The following ZNF614 variants were observed in gnomAD, a reference collection of about 807,000 sequenced individuals.
ZNF614 encodes zinc finger protein 614.
A neutral mutation model predicts 12.8 loss-of-function variants in ZNF614; 11 were observed. The observed-to-expected ratio is 0.86, with a 90% CI of 0.54 to 1.43. ZNF614 has a LOEUF of 1.43. Ranked by LOEUF, ZNF614 falls within the 40% of genes most tolerant of loss-of-function variation. The pLI is 0.00. For synonymous variants in ZNF614, 237 were observed against 237.5 expected (o/e 1.00, Z 0.02); for missense variants, 664 against 708.8 (o/e 0.94, Z 0.72).
chr19:52,017,358 T>C lies in ZNF614; in HGVS notation c.240A>G (p.Gly80=), dbSNP rs1390743520. The change falls in exon 5 of 5, where the codon GGA becomes GGG. Residue 80 remains glycine, a splice_region_variant and synonymous_variant. Transcript: ENST00000270649. ...GCAGATGACTGTCAACTTTCCCGAT[T>C]CCTAAGAAAGAACAGAGTAACAAAT... ...DAKIQNKNCP[G]IGKVDSHLQE... The C allele has an allele frequency of 6.3e-7, 1 of 1,586,992 alleles. No homozygotes were observed. Among genetic ancestry groups the C allele is most frequent in the Admixed American group, 1.8e-5 (1 of 56,058 alleles).
rs568135804 is a variant in ZNF614, at chr19:52,022,487, T to C, written c.15+3244A>G. 7.9e-5 allele frequency among the ~76,000 whole-genome samples: 12 copies of C among 152,266 alleles called. No homozygotes were observed. In the East Asian group the frequency reaches 2.3e-3, roughly 29 times the overall value. On this transcript the variant is annotated intron_variant, in intron 2 of 4. Coordinates refer to ENST00000270649, the MANE Select transcript of ZNF614 (RefSeq NM_025040.4). ...CGCGGCTGCTGTGCGACCCTCCAAG[T>C]GTGAAGTGACAGCCTTGTGTGTGAT...
At position 52,016,674 on chromosome 19, in the gene ZNF614, A is replaced by G. The variant is rs1451710882; in HGVS notation, c.924T>C (p.Thr308=). 1.2e-6 allele frequency: 2 copies of G among 1,614,024 alleles called. No homozygotes were observed. Among genetic ancestry groups the G allele is most frequent in the African/African-American group, 2.7e-5 (2 of 74,918 alleles). The change falls in exon 5 of 5, where the codon ACT becomes ACC. Residue 308 remains threonine, a synonymous_variant. Transcript: ENST00000270649. ...MKRYLIAHQR[T]HSGEKPYVCK... ...ACACATAAGGTTTCTCTCCACTATG[A>G]GTTCGCTGATGAGCAATTAGATAGC... is the stretch of plus-strand genomic sequence containing the variant.
In ZNF614 at chr19:52,016,080, T is replaced by C; in HGVS notation, c.1518A>G (p.Thr506=). Residue 506 remains threonine (T), a synonymous_variant, in exon 5 of 5, where the codon ACA becomes ACG. Transcript: ENST00000270649. The part of the protein sequence containing the change: ...YGLITHQRIH[T]GEKPYECNEC... ...CATTGCACTCATAAGGTTTCTCTCC[T>C]GTGTGAATTCTCTGATGGGTAATGA... The C allele has an allele frequency of 6.8e-6, 11 of 1,614,138 alleles. No homozygotes were observed. The highest frequency in any genetic ancestry group is 3.3e-4 in the Middle Eastern group (2 of 6,062).
At position 52,018,388 on chromosome 19, in the gene ZNF614, T is replaced by C; in HGVS notation, c.122A>G (p.Tyr41Cys). The change falls in exon 3 of 5, where the codon TAT becomes TGT. Residue 41 changes from tyrosine (Y) to cysteine (C), a missense_variant. Coordinates refer to ENST00000270649, the MANE Select transcript of ZNF614 (RefSeq NM_025040.4). ...NLYRDVMVENYNHLVSLGYQT... is the reference protein window; with the variant it reads ...NLYRDVMVENCNHLVSLGYQT... ...CTTACCCAGTGATACTAGGTGGTTA[T>C]AGTTCTCCACCATCACATCCCGGTA... The C allele has an allele frequency of 2.5e-6, 4 of 1,614,152 alleles. No homozygotes were observed. Among genetic ancestry groups the C allele is most frequent in the East Asian group, 2.2e-5 (1 of 44,876 alleles).
Position 52,025,823 on chromosome 19 carries a change from G to C in ZNF614, c.-78C>G, listed in dbSNP as rs2086967973. The C allele has an allele frequency of 6.5e-7, 1 of 1,530,724 alleles. No individual in the cohort carries two copies. The highest frequency in any genetic ancestry group is 2.3e-5 in the East Asian group (1 of 43,948). 94.8% of individuals were successfully genotyped at this position (1,530,724 alleles called of 1,614,324 possible). Reference sequence around the variant, plus strand: ...CTTCTGCATTTGCCATGAAGTTTTTGAAGTTTTCCTAGTCAGAAATATTAG... The same window carrying C: ...CTTCTGCATTTGCCATGAAGTTTTTCAAGTTTTCCTAGTCAGAAATATTAG... On this transcript the variant is annotated 5_prime_UTR_variant, in exon 2 of 5. Coordinates refer to ENST00000270649, the MANE Select transcript of ZNF614 (RefSeq NM_025040.4).
At position 52,017,372 on chromosome 19, in the gene ZNF614, A is replaced by G. The variant is rs762201821; in HGVS notation, c.239-13T>C. ...ACTTTCCCGATTCCTAAGAAAGAAC[A>G]GAGTAACAAATTCTTCCATGAGAAT... On this transcript the variant is annotated splice_polypyrimidine_tract_variant and intron_variant, in intron 4 of 4. Coordinates refer to ENST00000270649, the MANE Select transcript of ZNF614 (RefSeq NM_025040.4). 55 of 1,571,084 alleles carry G rather than the reference A, an allele frequency of 3.5e-5. No individual in the cohort carries two copies. Among genetic ancestry groups the G allele is most frequent in the Non-Finnish European group, 4.2e-5 (49 of 1,163,436 alleles).
chr19:52,027,089 T>C (rs980534463), intron 1 of ZNF614, among the ~76,000 whole-genome samples: 1 of 152,214 alleles, frequency 6.6e-6, no homozygotes, highest in African/African-American at 2.4e-5. Context: ...TCTCTATACT[T>C]TGTCTCTTAT....
chr19:52,015,937 A>C lies in ZNF614; in HGVS notation c.1661T>G (p.Leu554Arg). 1 of 1,614,194 alleles carries C rather than the reference A, an allele frequency of 6.2e-7. No individual in the cohort carries two copies. Among genetic ancestry groups the C allele is most frequent in the South Asian group, 1.1e-5 (1 of 91,082 alleles). The change falls in exon 5 of 5, where the codon CTT becomes CGT. Residue 554 changes from leucine (L) to arginine (R), a missense_variant. Coordinates refer to ENST00000270649, the MANE Select transcript of ZNF614 (RefSeq NM_025040.4). ...CEKAFSHLSN[L>R]VKHKKMHTRE... The stretch of plus-strand genomic sequence containing the variant: ...TGTGTGCATTTTCTTATGTTTGACA[A>C]GGTTTGATAAGTGGGAGAAGGCTTT...
chr19:52,027,156 G>A (rs1420022581), intron 1 of ZNF614, among the ~76,000 whole-genome samples: 1 of 152,206 alleles, frequency 6.6e-6, no homozygotes, highest in East Asian at 1.9e-4. Context: ...TTGTGGAGGG[G>A]TGGCCCCCTT....
intron 2 of ZNF614, 60 bp downstream of exon 2, chr19:52,025,671 G>T (rs932297874): frequency 3.5e-5 from 56 of 1,588,180 alleles, no homozygotes; most frequent in South Asian, 5.6e-5. Flanking sequence ...ACTTCCTTAA[G>T]TTCAACTGAC....
chr19:52,017,191 T>G lies in ZNF614; in HGVS notation c.407A>C (p.Asn136Thr). The G allele has an allele frequency of 6.2e-7, 1 of 1,614,194 alleles. No homozygotes were observed. Among genetic ancestry groups the G allele is most frequent in the African/African-American group, 1.3e-5 (1 of 75,054 alleles). ...GATTAAACTTAAACTTGATTTCAAA[T>G]TTTTTCTGTACAAGTCAAATGTATC... is the stretch of plus-strand genomic sequence containing the variant. ...NHDTFDLYRK[N>T]LKSSLSLINQ... Residue 136 changes from asparagine to threonine, a missense_variant, in exon 5 of 5, where the codon AAT (asparagine) becomes ACT (threonine). Coordinates refer to ENST00000270649, the MANE Select transcript of ZNF614 (RefSeq NM_025040.4).
rs2086905966 is a variant in ZNF614, at chr19:52,017,357, T to C, written c.241A>G (p.Ile81Val). ...TGCAGATGACTGTCAACTTTCCCGA[T>C]TCCTAAGAAAGAACAGAGTAACAAA... ...AKIQNKNCPG[I>V]GKVDSHLQEH... The change falls in exon 5 of 5, where the codon ATC becomes GTC. Residue 81 changes from isoleucine to valine, a missense_variant and splice_region_variant. Physicochemically the swap from Ile to Val is conservative, Grantham distance 29 (BLOSUM62 3). Coordinates refer to ENST00000270649, the MANE Select transcript of ZNF614 (RefSeq NM_025040.4). 2 of 1,587,216 alleles carry C rather than the reference T, an allele frequency of 1.3e-6. No homozygotes were observed. Among genetic ancestry groups the C allele is most frequent in the Admixed American group, 1.8e-5 (1 of 56,090 alleles).
In ZNF614 at chr19:52,017,201, A is replaced by G; in HGVS notation, c.397T>C (p.Tyr133His). 1 of 1,614,152 alleles carries G rather than the reference A, an allele frequency of 6.2e-7. No homozygotes were observed. The highest frequency in any genetic ancestry group is 8.5e-7 in the Non-Finnish European group (1 of 1,180,030). Residue 133 changes from tyrosine to histidine, a missense_variant, in exon 5 of 5, where the codon TAC becomes CAC. Tyr to His is a moderately conservative substitution (Grantham distance 83, BLOSUM62 2). Coordinates refer to ENST00000270649, the MANE Select transcript of ZNF614 (RefSeq NM_025040.4). The stretch of plus-strand genomic sequence containing the variant: ...AAACTTGATTTCAAATTTTTTCTGT[A>G]CAAGTCAAATGTATCATGATTTTGC... ...IVQNHDTFDL[Y>H]RKNLKSSLSL... is the part of the protein sequence containing the mutation.
chr19:52,020,508 C>G (rs2086926584), intron 2 of ZNF614, among the ~76,000 whole-genome samples: 1 of 152,202 alleles, frequency 6.6e-6, no homozygotes, highest in African/African-American at 2.4e-5. Flanking sequence ...TAACAATATT[C>G]AAGAGTACTT....
chr19:52,016,249 G>A lies in ZNF614; in HGVS notation c.1349C>T (p.Thr450Ile). 1 of 1,614,192 alleles carries A rather than the reference G, an allele frequency of 6.2e-7. No individual in the cohort carries two copies. The highest frequency in any genetic ancestry group is 8.5e-7 in the Non-Finnish European group (1 of 1,180,038). The change falls in exon 5 of 5, where the codon ACA becomes ATA. Residue 450 changes from threonine (T) to isoleucine (I), a missense_variant. Transcript: ENST00000270649. ...ATTGCATTCATAGGGTTTTTCTCCT[G>A]TATGAGTTCGCTGATGTATAATAAG... is the stretch of plus-strand genomic sequence containing the variant. The part of the protein sequence containing the change: ...RTLIIHQRTH[T>I]GEKPYECNEC...
intron 2 of ZNF614, among the ~76,000 whole-genome samples, chr19:52,023,861 G>A (rs1020103060): frequency 2.2e-4 from 33 of 152,252 alleles, no homozygotes; most frequent in Admixed American, 5.9e-4. Flanking sequence ...GGAGCTGGTT[G>A]CCAGGGGAAC....
Position 52,015,866 on chromosome 19 carries a change from C to A in ZNF614, c.1732G>T (p.Glu578Ter). 6.2e-7 allele frequency: 1 copy of A among 1,613,046 alleles called. No individual in the cohort carries two copies. Among genetic ancestry groups the A allele is most frequent in the South Asian group, 1.1e-5 (1 of 90,944 alleles). ...ISQVENSCNG[E>*]SQLLPYK ...CACTTATAAGGAAGGAGCTGTGACTCTCCATTACAGGAGTTTTCAACTTGA... is the reference window on the plus strand; with the variant it reads ...CACTTATAAGGAAGGAGCTGTGACTATCCATTACAGGAGTTTTCAACTTGA... The change falls in exon 5 of 5, where the codon GAG (glutamate) becomes TAG (stop). Residue 578 changes from glutamate to a stop codon, truncating the protein, a stop_gained. Transcript: ENST00000270649. LOFTEE classifies it low-confidence loss of function (END_TRUNC).
chr19:52,019,847 A>G (rs1257219479), intron 2 of ZNF614, among the ~76,000 whole-genome samples: 1 of 152,184 alleles, frequency 6.6e-6, no homozygotes, highest in African/African-American at 2.4e-5. Flanking sequence ...AGAGGTAACT[A>G]AGATCCAAGG....
At chr19:52,017,608 G>A in intron 4 of ZNF614, 2 of 413,330 alleles carry the variant, frequency 4.8e-6, no homozygotes, top group Non-Finnish European at 8.6e-6. Flanking sequence ...GGCTGAGGCA[G>A]GAGAATCACT....
Sources: gnomAD v4.1 joint callset for allele counts (sites outside exome capture counted in the v4.1 genomes callset) on GRCh38, gnomAD v4.1.1 for gene constraint, MANE v1.5 for transcripts, NCBI Gene and HGNC (gene_info 2026-07-23, HGNC 2026-07-21) for gene names.